Variants in PRSS16 observed in about 807,000 individuals in gnomAD.
The protein encoded by PRSS16 is thymus-specific serine protease.
PRSS16 carries 43 observed loss-of-function variants against 61.7 expected under a neutral mutation model. The ratio of observed to expected loss-of-function variants is 0.70; its 90% CI spans 0.55 to 0.90. The LOEUF (loss-of-function observed/expected upper bound fraction) is 0.90, where lower values mean the gene tolerates loss of function less well. Among genes scored for constraint, PRSS16 ranks in the 40% least tolerant of loss-of-function variants. PRSS16 has a pLI of 0.00. For missense variants in PRSS16, 591 were observed against 659.1 expected, an observed-to-expected ratio of 0.90 and a Z score of 1.13; for synonymous variants, 273 against 285.2, an observed-to-expected ratio of 0.96 and a Z score of 0.43.
At chr6:27,250,835 G>A in intron 5 of PRSS16, 29 bp downstream of exon 5, 2 of 1,589,296 alleles carry the variant, frequency 1.3e-6, no homozygotes, top group Non-Finnish European at 1.7e-6. Flanking sequence ...GTGGGCTGGG[G>A]GGAGGGAACT....
rs376394921 is a variant in PRSS16, at chr6:27,251,842, C to A, written c.810C>A (p.Ser270Arg). 42 of 1,612,636 alleles carry A rather than the reference C, an allele frequency of 2.6e-5. No individual in the cohort carries two copies. Among genetic ancestry groups the A allele is most frequent in the Non-Finnish European group, 3.5e-5 (41 of 1,179,726 alleles). ...AAGCAGCATTGCGGACGGAGCTGAG[C>A]GCTTGCGGGCCCCTGGGCCGCGCTG... ...AAQAALRTELSACGPLGRAEN... is the reference protein window; with the variant it reads ...AAQAALRTELRACGPLGRAEN... Residue 270 changes from serine to arginine, a missense_variant, in exon 8 of 12, where the codon AGC becomes AGA. By Grantham distance (110) the Ser-to-Arg change is moderately radical (BLOSUM62 -1). Coordinates refer to ENST00000230582, the MANE Select transcript of PRSS16 (RefSeq NM_005865.4). This position sits in a 1 kb window ranked among gnomAD's most constrained non-coding sequence, Gnocchi z 5.6.
In PRSS16 at chr6:27,252,029, C is replaced by G; in HGVS notation, c.997C>G (p.Arg333Gly). 6.5e-7 allele frequency: 1 copy of G among 1,538,204 alleles called. No individual in the cohort carries two copies. The highest frequency in any genetic ancestry group is 8.7e-7 in the Non-Finnish European group (1 of 1,146,194). ...CTCCACGCCCTACTGCGGGCTTCGT[C>G]GGGCGGTGCAGGTGAGCACTCCCTG... The part of the protein sequence containing the change: ...SHSTPYCGLR[R>G]AVQIVLHSLG... Residue 333 changes from arginine to glycine, a missense_variant, in exon 8 of 12, where the codon CGG becomes GGG. Physicochemically the swap from Arg to Gly is moderately radical, Grantham distance 125. Transcript: ENST00000230582. This position sits in a 1 kb window ranked among gnomAD's most constrained non-coding sequence, Gnocchi z 4.2.
chr6:27,248,380 G>A lies in PRSS16; in HGVS notation c.237+332G>A, dbSNP rs539323211. Among the ~76,000 whole-genome samples the A allele has an allele frequency of 3.9e-5, 6 of 151,924 alleles. 1 individual carries two copies. In the South Asian group the frequency reaches 1.2e-3, roughly 32 times the overall value. On this transcript the variant is annotated intron_variant, in intron 2 of 11. Coordinates refer to ENST00000230582, the MANE Select transcript of PRSS16 (RefSeq NM_005865.4). ...AAAACCTACCACCAGGTCTCAGTAG[G>A]TAGCAGAAATTTGAACCAGCTTTGG... is the stretch of plus-strand genomic sequence containing the variant.
In PRSS16 at chr6:27,251,821, A is replaced by C; in HGVS notation, c.789A>C (p.Ala263=). The change falls in exon 8 of 12, where the codon GCA becomes GCC. Residue 263 remains alanine, a synonymous_variant. Coordinates refer to ENST00000230582, the MANE Select transcript of PRSS16 (RefSeq NM_005865.4). This position sits in a 1 kb window ranked among gnomAD's most constrained non-coding sequence, Gnocchi z 5.6. The part of the protein sequence containing the change: ...RRLRSGGAAQ[A]ALRTELSACG... ...TGCGCTCGGGTGGGGCGGCTCAAGC[A>C]GCATTGCGGACGGAGCTGAGCGCTT... is the stretch of plus-strand genomic sequence containing the variant. The C allele has an allele frequency of 1.2e-6, 2 of 1,611,580 alleles. No homozygotes were observed. The highest frequency in any genetic ancestry group is 1.7e-6 in the Non-Finnish European group (2 of 1,179,498).
chr6:27,255,450 T>A lies in PRSS16; in HGVS notation c.*135T>A. The A allele has an allele frequency of 1.1e-6, 1 of 872,614 alleles. No homozygotes were observed. Among genetic ancestry groups the A allele is most frequent in the Non-Finnish European group, 1.8e-6 (1 of 567,272 alleles). 54.1% of individuals were successfully genotyped at this position (872,614 alleles called of 1,614,324 possible). On this transcript the variant is annotated 3_prime_UTR_variant, in exon 12 of 12. Coordinates refer to ENST00000230582, the MANE Select transcript of PRSS16 (RefSeq NM_005865.4). The surrounding 1 kb of genome is among the most constrained non-coding windows in gnomAD (Gnocchi z 4.4). ...ATTCAGCACCTGTTCCGCACGTAATTGGCATGTGTCTGCAAACATCCTTAT... is the reference window on the plus strand; with the variant it reads ...ATTCAGCACCTGTTCCGCACGTAATAGGCATGTGTCTGCAAACATCCTTAT...
chr6:27,248,938 T>C lies in PRSS16; in HGVS notation c.329T>C (p.Val110Ala). Residue 110 changes from valine to alanine, a missense_variant, in exon 3 of 12, where the codon GTG becomes GCG. Val to Ala is a moderately conservative substitution (Grantham distance 64). Transcript: ENST00000230582. ...GGEGSLGPGSVMRGHPAALAP... is the reference protein window; with the variant it reads ...GGEGSLGPGSAMRGHPAALAP... ...GAGGGCAGCCTTGGGCCTGGCTCAGTGATGAGAGGTAAGAGGCAATGTTGG... is the reference window on the plus strand; with the variant it reads ...GAGGGCAGCCTTGGGCCTGGCTCAGCGATGAGAGGTAAGAGGCAATGTTGG... 6.2e-7 allele frequency: 1 copy of C among 1,608,446 alleles called. No individual in the cohort carries two copies. The highest frequency in any genetic ancestry group is 8.5e-7 in the Non-Finnish European group (1 of 1,177,014).
chr6:27,255,430 G>A lies in PRSS16; in HGVS notation c.*115G>A, dbSNP rs1177519739. The A allele has an allele frequency of 4.5e-6, 5 of 1,107,734 alleles. No individual in the cohort carries two copies. In the African/African-American group the frequency reaches 6.3e-5, roughly 14 times the overall value. The allele number at this position is 1,107,734 out of a possible 1,614,324, so 68.6% of individuals were successfully genotyped here. On this transcript the variant is annotated 3_prime_UTR_variant, in exon 12 of 12. Transcript: ENST00000230582. The surrounding 1 kb of genome is among the most constrained non-coding windows in gnomAD (Gnocchi z 4.4). Reference sequence around the variant, plus strand: ...AGAAACTCCCAGGAATTGGAATTCAGCACCTGTTCCGCACGTAATTGGCAT... The same window carrying A: ...AGAAACTCCCAGGAATTGGAATTCAACACCTGTTCCGCACGTAATTGGCAT...
At position 27,250,800 on chromosome 6, in the gene PRSS16, G is replaced by A. The variant is rs747853197; in HGVS notation, c.585G>A (p.Arg195=). The A allele has an allele frequency of 1.6e-5, 25 of 1,608,680 alleles. 1 individual carries two copies. The African/African-American group carries it at 3.1e-4, about 20-fold the overall frequency. ...CCGGCTCCTTGGCCGCCTGGGCCCG[G>A]CTGAAGGTCCTGCGACTCCTCCGGG... ...SYAGSLAAWA[R]LKFPHLIFAS... is the part of the protein sequence containing the mutation. The change falls in exon 5 of 12, where the codon CGG becomes CGA. Residue 195 remains arginine (R), a synonymous_variant. Transcript: ENST00000230582.
rs375307803 is a variant in PRSS16, at chr6:27,253,582, T to C, written c.1150+633T>C. 4 of 366,596 alleles carry C rather than the reference T, an allele frequency of 1.1e-5. No individual in the cohort carries two copies. In the East Asian group the frequency reaches 2.3e-4, roughly 21 times the overall value. 22.7% of individuals were successfully genotyped at this position (366,596 alleles called of 1,614,324 possible). On this transcript the variant is annotated intron_variant, in intron 9 of 11. Transcript: ENST00000230582. The stretch of plus-strand genomic sequence containing the variant: ...CCAGATACAATACAGGATGCCCAGT[T>C]AAATTTGAATTTCAGATATACAACA...
Position 27,251,887 on chromosome 6 carries a change from G to A in PRSS16, c.855G>A (p.Leu285=). ...LGRAENQAEL[L]GALQALVGGV... ...GCGCTGAAAACCAGGCGGAGCTGTT[G>A]GGGGCGCTGCAGGCACTGGTGGGAG... Residue 285 remains leucine, a synonymous_variant, in exon 8 of 12, where the codon TTG becomes TTA. Transcript: ENST00000230582. This position sits in a 1 kb window ranked among gnomAD's most constrained non-coding sequence, Gnocchi z 5.6. The A allele has an allele frequency of 6.2e-7, 1 of 1,613,436 alleles. No individual in the cohort carries two copies. Among genetic ancestry groups the A allele is most frequent in the South Asian group, 1.1e-5 (1 of 91,044 alleles).
At position 27,250,758 on chromosome 6, in the gene PRSS16, C is replaced by T. The variant is rs1459111828; in HGVS notation, c.543C>T (p.Cys181=). The change falls in exon 5 of 12, where the codon TGC becomes TGT. Residue 181 remains cysteine (C), a synonymous_variant. Coordinates refer to ENST00000230582, the MANE Select transcript of PRSS16 (RefSeq NM_005865.4). ...FNISSSSPWI[C]FGGSYAGSLA... ...TCTCCTCCTCCAGCCCCTGGATCTG[C>T]TTCGGAGGCTCCTATGCCGGCTCCT... The T allele has an allele frequency of 6.2e-7, 1 of 1,613,896 alleles. No individual in the cohort carries two copies. The highest frequency in any genetic ancestry group is 1.7e-5 in the Admixed American group (1 of 59,974).
In PRSS16 at chr6:27,251,082, C is replaced by G. The variant is rs774722626; in HGVS notation, c.632C>G (p.Pro211Arg). 3.7e-5 allele frequency: 60 copies of G among 1,613,990 alleles called. No homozygotes were observed. Among genetic ancestry groups the G allele is most frequent in the Non-Finnish European group, 4.7e-5 (56 of 1,180,046 alleles). Reference protein sequence around the residue: ...LIFASVASSAPVRAVLDFSEY... With the variant: ...LIFASVASSARVRAVLDFSEY... ...TTCGCGTCGGTCGCCTCCTCCGCCC[C>G]GGTGCGGGCCGTGCTGGATTTCTCC... Residue 211 changes from proline (P) to arginine (R), a missense_variant, in exon 6 of 12, where the codon CCG (proline) becomes CGG (arginine). Coordinates refer to ENST00000230582, the MANE Select transcript of PRSS16 (RefSeq NM_005865.4). The surrounding 1 kb of genome is among the most constrained non-coding windows in gnomAD (Gnocchi z 5.6).
Position 27,255,335 on chromosome 6 carries a change from C to G in PRSS16, c.*20C>G, listed in dbSNP as rs1200071334. ...GTCTGAATCTCATACCCTTTCCACT[C>G]CCTGCATGGTCACCTCAGTCCTGGA... On this transcript the variant is annotated 3_prime_UTR_variant, in exon 12 of 12. Coordinates refer to ENST00000230582, the MANE Select transcript of PRSS16 (RefSeq NM_005865.4). The surrounding 1 kb of genome is among the most constrained non-coding windows in gnomAD (Gnocchi z 4.4). 1.3e-6 allele frequency: 2 copies of G among 1,588,138 alleles called. No individual in the cohort carries two copies. Among genetic ancestry groups the G allele is most frequent in the African/African-American group, 1.3e-5 (1 of 74,172 alleles).
chr6:27,248,964 G>A lies in PRSS16; in HGVS notation c.337+18G>A, dbSNP rs375115069. 1.9e-6 allele frequency: 3 copies of A among 1,590,712 alleles called. No individual in the cohort carries two copies. The highest frequency in any genetic ancestry group is 2.6e-6 in the Non-Finnish European group (3 of 1,163,740). On this transcript the variant is annotated intron_variant, in intron 3 of 11. Transcript: ENST00000230582. ...GATGAGAGGTAAGAGGCAATGTTGGGGGAAAGGAGTTGGGATGCTGGTGGG... is the reference window on the plus strand; with the variant it reads ...GATGAGAGGTAAGAGGCAATGTTGGAGGAAAGGAGTTGGGATGCTGGTGGG...
At chr6:27,250,177 G>A (rs1759846766) in intron 4 of PRSS16, among the ~76,000 whole-genome samples, 2 of 152,126 alleles carry the variant, frequency 1.3e-5, no homozygotes, top group Admixed American at 1.3e-4. Flanking sequence ...GCAACAGGAT[G>A]GTACCAACTG....
In PRSS16 at chr6:27,250,867, C is replaced by T. The variant is rs547490793; in HGVS notation, c.591+61C>T. 2.8e-5 allele frequency: 44 copies of T among 1,567,082 alleles called. 1 individual carries two copies. In the East Asian group the frequency reaches 5.6e-4, roughly 20 times the overall value. ...AACTCGGACTCCAGGGCCCCAGTCTCAGATAATAGGAATACCCTCCCACCA... is the reference window on the plus strand; with the variant it reads ...AACTCGGACTCCAGGGCCCCAGTCTTAGATAATAGGAATACCCTCCCACCA... On this transcript the variant is annotated intron_variant, in intron 5 of 11. Coordinates refer to ENST00000230582, the MANE Select transcript of PRSS16 (RefSeq NM_005865.4).
At chr6:27,248,489 A>G (rs1288564988) in intron 2 of PRSS16, among the ~76,000 whole-genome samples, 1 of 152,104 alleles carries the variant, frequency 6.6e-6, no homozygotes, top group Non-Finnish European at 1.5e-5. Flanking sequence ...CTTCCTCTGT[A>G]TTTAGTCTCC....
chr6:27,253,609 AT>A (rs893646193), intron 9 of PRSS16: 900 of 297,182 alleles, frequency 3.0e-3, no homozygotes, highest in South Asian at 4.9e-3. Flanking sequence ...TATACAACAG[AT>A]TTTTTTTTAG....
At chr6:27,249,641 C>A (rs529843118) in intron 4 of PRSS16, among the ~76,000 whole-genome samples, 1 of 152,320 alleles carries the variant, frequency 6.6e-6, no homozygotes, top group East Asian at 1.9e-4. Flanking sequence ...CCTCAGACAT[C>A]TTCTGTATTG....
Sources: allele counts gnomAD v4.1 joint callset (sites outside exome capture counted in the v4.1 genomes callset), GRCh38; gene constraint gnomAD v4.1.1; non-coding constraint Gnocchi (gnomAD v3.1); transcripts MANE v1.5; gene names NCBI Gene and HGNC (gene_info 2026-07-23, HGNC 2026-07-21).